Variants in OR2T11 observed in about 807,000 individuals in gnomAD.
OR2T11 encodes olfactory receptor 2T11.
Under a neutral mutation model 13.5 loss-of-function variants are expected in OR2T11, and 14 were observed. The ratio of observed to expected loss-of-function variants is 1.04; its 90% CI spans 0.69 to 1.62. OR2T11 has a LOEUF of 1.62. Among genes scored for constraint, OR2T11 ranks in the 40% most tolerant of loss-of-function variants. The pLI, the probability that OR2T11 is intolerant of heterozygous loss-of-function variation, is 0.00. For missense variants in OR2T11, 410 were observed against 389.7 expected, an observed-to-expected ratio of 1.05 and a Z score of -0.44; for synonymous variants, 163 against 154.6, an observed-to-expected ratio of 1.05 and a Z score of -0.40.
chr1:248,633,666 T>G (rs1660645402), intron 1 of OR2T11, among the ~76,000 whole-genome samples: 1 of 118,868 alleles, frequency 8.4e-6, no homozygotes, highest in Admixed American at 8.4e-5. Flanking sequence ...CTGATTTTAA[T>G]TTTTCCAAGT....
chr1:248,628,507 T>G lies in OR2T11; in HGVS notation c.-144-1235A>C, dbSNP rs544920047. Among the ~76,000 whole-genome samples, 14 of 141,022 alleles carry G rather than the reference T, an allele frequency of 9.9e-5. 1 individual carries two copies. Among genetic ancestry groups the G allele is most frequent in the African/African-American group, 4.0e-4 (14 of 35,412 alleles). The allele number at this position is 141,022 out of a possible 152,430, so 92.5% of individuals were successfully genotyped here. ...GCCAGATTTAGCAAAGATACAGGATTCTCAGCTATGTTTGACTTTCAGATA... is the reference window on the plus strand; with the variant it reads ...GCCAGATTTAGCAAAGATACAGGATGCTCAGCTATGTTTGACTTTCAGATA... On this transcript the variant is annotated intron_variant, in intron 1 of 1. Coordinates refer to ENST00000641193, the MANE Select transcript of OR2T11 (RefSeq NM_001001964.2).
rs73142405 is a variant in OR2T11, at chr1:248,624,256, T to G, written c.*1922A>C. 5 of 143,048 alleles carry G rather than the reference T, an allele frequency of 3.5e-5. 1 individual carries two copies. Among genetic ancestry groups the G allele is most frequent in the African/African-American group, 1.4e-4 (5 of 36,164 alleles). The allele number at this position is 143,048 out of a possible 1,614,324, so 8.9% of individuals were successfully genotyped here. A position where few individuals can be genotyped will look rare whatever the true frequency, so the allele number is the denominator to read the frequency against. ...ATATCACATGACAGCACCATTAACA[T>G]CAAACACATTGGTATCACGTTTTTC... On this transcript the variant is annotated 3_prime_UTR_variant, in exon 2 of 2. Transcript: ENST00000641193.
rs1250086532 is a variant in OR2T11 at position 248,625,474 on chromosome 1, G to C, written c.*704C>G. 7.0e-6 allele frequency: 1 copy of C among 143,578 alleles called. No homozygotes were observed. The highest frequency in any genetic ancestry group is 2.7e-5 in the African/African-American group (1 of 36,484). 8.9% of individuals were successfully genotyped at this position (143,578 alleles called of 1,614,324 possible). On this transcript the variant is annotated 3_prime_UTR_variant, in exon 2 of 2. Coordinates refer to ENST00000641193, the MANE Select transcript of OR2T11 (RefSeq NM_001001964.2). ...TCTGGCCATGGATGTTAACGAACCTGGTATCCTGTTAATACATCCTCAAGG... is the reference window on the plus strand; with the variant it reads ...TCTGGCCATGGATGTTAACGAACCTCGTATCCTGTTAATACATCCTCAAGG...
chr1:248,629,932 AAC>A (rs1385870383), intron 1 of OR2T11, among the ~76,000 whole-genome samples: 1 of 141,712 alleles, frequency 7.1e-6, no homozygotes, highest in Non-Finnish European at 1.5e-5. Context: ...CACTTTTCTT[AAC>A]ACCGTCTGAC....
At position 248,626,746 on chromosome 1, in the gene OR2T11, C is replaced by T. The variant is rs866372162; in HGVS notation, c.383G>A (p.Arg128Lys). Residue 128 changes from arginine to lysine, a missense_variant, in exon 2 of 2, where the codon AGA becomes AAA. Arg to Lys is a conservative substitution (Grantham distance 26, BLOSUM62 2). Transcript: ENST00000641193. ...CTTGCGGTTCATCAGGACTGGGTATCTCAGAGGGTTACAGACAGCCACGTA... is the reference window on the plus strand; with the variant it reads ...CTTGCGGTTCATCAGGACTGGGTATTTCAGAGGGTTACAGACAGCCACGTA... ...DCYVAVCNPLRYPVLMNRKKC... is the reference protein window; with the variant it reads ...DCYVAVCNPLKYPVLMNRKKC... 10 of 1,573,022 alleles carry T rather than the reference C, an allele frequency of 6.4e-6. 3 individuals are homozygous for T. In the Admixed American group the frequency reaches 1.0e-4, roughly 16 times the overall value.
At chr1:248,629,045 T>C (rs1360499416) in intron 1 of OR2T11, among the ~76,000 whole-genome samples, 1 of 143,776 alleles carries the variant, frequency 7.0e-6, no homozygotes, top group Non-Finnish European at 1.5e-5. Flanking sequence ...TAACCCACAC[T>C]AAGGAGAAGA....
intron 1 of OR2T11, among the ~76,000 whole-genome samples, chr1:248,629,162 T>TTA (rs1487282790): frequency 7.0e-6 from 1 of 142,394 alleles, no homozygotes; most frequent in Non-Finnish European, 1.5e-5. Context: ...ACCCCAGCAC[T>TTA]TAGGGAGGCC....
At chr1:248,627,356 A>G in intron 1 of OR2T11, 84 bp from the exon 2 acceptor site, 1 of 517,830 alleles carries the variant, frequency 1.9e-6, no homozygotes, top group Non-Finnish European at 3.4e-6. Flanking sequence ...AGCTCCTTCT[A>G]TATTGCGTCT....
At chr1:248,631,691 T>C (rs1892447) in intron 1 of OR2T11, among the ~76,000 whole-genome samples, 133,498 of 141,692 alleles carry the variant, frequency 0.94, 64,601 homozygotes, top group East Asian at 1. Context: ...TCCCTAACTC[T>C]TGGGCAATTC....
Position 248,635,035 on chromosome 1 carries a change from T to TAC in OR2T11, c.-145+1_-145+2dup, listed in dbSNP as rs1156728077. The TAC allele has an allele frequency of 1.6e-5, 2 of 123,792 alleles. No individual in the cohort carries two copies. Among genetic ancestry groups the TAC allele is most frequent in the African/African-American group, 3.2e-5 (1 of 31,118 alleles). 7.7% of individuals were successfully genotyped at this position (123,792 alleles called of 1,614,324 possible). A position where few individuals can be genotyped will look rare whatever the true frequency, so the allele number is the denominator to read the frequency against. On this transcript the variant is annotated splice_region_variant and intron_variant, in intron 1 of 1. Coordinates refer to ENST00000641193, the MANE Select transcript of OR2T11 (RefSeq NM_001001964.2). ...AAGTTAATTTTATATCCATATCCCTTACCTGCAGAAAGACCCCACAGGGAA... is the reference window on the plus strand; with the variant it reads ...AAGTTAATTTTATATCCATATCCCTTACACCTGCAGAAAGACCCCACAGGGAA...
rs2103099867 is a variant in OR2T11, at chr1:248,624,054, A to AC, written c.*2123dup. On this transcript the variant is annotated 3_prime_UTR_variant, in exon 2 of 2. Coordinates refer to ENST00000641193, the MANE Select transcript of OR2T11 (RefSeq NM_001001964.2). ...TTAGTTATAACACACGCTCTGCCTG[A>AC]CCTCCTGCTATTGTCACTGAGTTGG... 2 of 140,664 alleles carry AC rather than the reference A, an allele frequency of 1.4e-5. 1 individual carries two copies. The highest frequency in any genetic ancestry group is 5.7e-5 in the African/African-American group (2 of 35,286). The allele number at this position is 140,664 out of a possible 1,614,324, so 8.7% of individuals were successfully genotyped here.
chr1:248,626,890 G>T lies in OR2T11; in HGVS notation c.239C>A (p.Ala80Glu), dbSNP rs200166974. 95 of 1,570,502 alleles carry T rather than the reference G, an allele frequency of 6.0e-5. 9 individuals are homozygous for T. The highest frequency in any genetic ancestry group is 6.1e-5 in the Non-Finnish European group (70 of 1,154,502). The change falls in exon 2 of 2, where the codon GCA becomes GAA. Residue 80 changes from alanine (A) to glutamate (E), a missense_variant. Coordinates refer to ENST00000641193, the MANE Select transcript of OR2T11 (RefSeq NM_001001964.2). ...FICTTVPKLLADMVSKEKIIS... is the reference protein window; with the variant it reads ...FICTTVPKLLEDMVSKEKIIS... ...GATCTTCTCTTTAGAAACCATGTCT[G>T]CCAGGAGTTTTGGGACAGTGGTACA...
Position 248,626,441 on chromosome 1 carries a change from C to A in OR2T11, c.688G>T (p.Gly230Cys). The change falls in exon 2 of 2, where the codon GGT (glycine) becomes TGT (cysteine). Residue 230 changes from glycine (G) to cysteine (C), a missense_variant. Coordinates refer to ENST00000641193, the MANE Select transcript of OR2T11 (RefSeq NM_001001964.2). ...CAAGTGGTGAAGGCCTTTTTGCGAC[C>A]TTCAGCAGAGGGCATGCGGTGGATG... Reference protein sequence around the residue: ...LTIHRMPSAEGRKKAFTTCSS... With the variant: ...LTIHRMPSAECRKKAFTTCSS... The A allele has an allele frequency of 1.9e-6, 3 of 1,572,448 alleles. 1 individual carries two copies. Among genetic ancestry groups the A allele is most frequent in the Non-Finnish European group, 2.6e-6 (3 of 1,156,458 alleles).
chr1:248,626,805 C>T lies in OR2T11; in HGVS notation c.324G>A (p.Glu108=), dbSNP rs767586709. Residue 108 remains glutamate (E), a synonymous_variant, in exon 2 of 2, where the codon GAG becomes GAA. Transcript: ENST00000641193. Reference sequence around the variant, plus strand: ...AGGCCATGAGGCCCAGGAGGAAGAACTCAGAACCAATCATGGTCAGGTAGA... The same window carrying T: ...AGGCCATGAGGCCCAGGAGGAAGAATTCAGAACCAATCATGGTCAGGTAGA... ...IFLYLTMIGS[E]FFLLGLMAYD... is the part of the protein sequence containing the mutation. 2.5e-6 allele frequency: 4 copies of T among 1,570,370 alleles called. No homozygotes were observed. The highest frequency in any genetic ancestry group is 2.6e-6 in the Non-Finnish European group (3 of 1,155,636).
At chr1:248,634,916 A>T (rs1362920434) in intron 1 of OR2T11, 122 bp downstream of exon 1, 2 of 145,100 alleles carry the variant, frequency 1.4e-5, no homozygotes, top group Non-Finnish European at 3.0e-5. Context: ...TAAAGCAGTT[A>T]ATAAGGTATG....
In OR2T11 at chr1:248,626,349, C is replaced by T. The variant is rs559076229; in HGVS notation, c.780G>A (p.Gln260=). 6.4e-7 allele frequency: 1 copy of T among 1,573,490 alleles called. No homozygotes were observed. The highest frequency in any genetic ancestry group is 1.7e-5 in the Admixed American group (1 of 58,378). ...GAAFYTYVLP[Q]SFHTPEQDKV... is the part of the protein sequence containing the mutation. ...TGTCCTGCTCGGGGGTGTGGAAGGA[C>T]TGGGGCAGCACGTATGTGTAGAAGG... The change falls in exon 2 of 2, where the codon CAG becomes CAA. Residue 260 remains glutamine (Q), a synonymous_variant. Transcript: ENST00000641193.
chr1:248,627,680 C>A (rs1359445868), intron 1 of OR2T11, among the ~76,000 whole-genome samples: 2 of 143,344 alleles, frequency 1.4e-5, no homozygotes, highest in Non-Finnish European at 3.0e-5. Flanking sequence ...AGTTTAAGGA[C>A]GACAAGTGCA....
chr1:248,628,895 A>G (rs1396875929), intron 1 of OR2T11, among the ~76,000 whole-genome samples: 1 of 142,506 alleles, frequency 7.0e-6, no homozygotes, highest in Non-Finnish European at 1.5e-5. Context: ...CTCCTGATCC[A>G]CTCCTGATCG....
intron 1 of OR2T11, 142 bp from the exon 2 acceptor site, chr1:248,627,414 G>C (rs1436947794): frequency 2.4e-6 from 1 of 419,770 alleles, no homozygotes; most frequent in Non-Finnish European, 4.2e-6. Flanking sequence ...TGATACAATT[G>C]CTGTATGCTA....
Sources: allele counts gnomAD v4.1 joint callset (sites outside exome capture counted in the v4.1 genomes callset), GRCh38; gene constraint gnomAD v4.1.1; transcripts MANE v1.5; gene names NCBI Gene and HGNC (gene_info 2026-07-23, HGNC 2026-07-21).